The following RABGAP1L variants were observed in gnomAD, a reference collection of about 807,000 sequenced individuals.
RABGAP1L encodes rab GTPase-activating protein 1-like.
Under a neutral mutation model 137.7 loss-of-function variants are expected in RABGAP1L, and 63 were observed. The observed-to-expected ratio is 0.46, with a 90% CI of 0.37 to 0.56. The LOEUF is 0.56. Ranked by LOEUF, RABGAP1L falls within the 20% of genes least tolerant of loss-of-function variation. The pLI, the probability that RABGAP1L is intolerant of heterozygous loss-of-function variation, is 0.00. For synonymous variants in RABGAP1L, 431 were observed against 433.7 expected (o/e 0.99, Z 0.08); for missense variants, 1,095 against 1,244.0 (o/e 0.88, Z 1.80).
intron 19 of RABGAP1L, among the ~76,000 whole-genome samples, chr1:174,833,468 A>ATATAT (rs1279866308): frequency 1.5e-4 from 16 of 107,300 alleles, no homozygotes; most frequent in Non-Finnish European, 2.8e-4. Flanking sequence ...ATATATATAT[A>ATATAT]GTAGAGACAG....
chr1:174,674,899 T>C (rs956640678), intron 14 of RABGAP1L, among the ~76,000 whole-genome samples: 1 of 152,256 alleles, frequency 6.6e-6, no homozygotes, highest in African/African-American at 2.4e-5. Flanking sequence ...TTGAGAAGTG[T>C]CTGTTCATGT....
intron 10 of RABGAP1L, among the ~76,000 whole-genome samples, chr1:174,296,958 T>G (rs1223119437): frequency 2.0e-5 from 3 of 152,240 alleles, no homozygotes; most frequent in Non-Finnish European, 4.4e-5. Flanking sequence ...TTGTTTTGTT[T>G]TGGTTTGCTT....
chr1:174,591,621 T>C (rs1022364559), intron 13 of RABGAP1L, among the ~76,000 whole-genome samples: 1 of 46,204 alleles, frequency 2.2e-5, no homozygotes, highest in Non-Finnish European at 3.3e-5. Flanking sequence ...CCTTTCCCCA[T>C]TGCTTGTTTT....
chr1:174,600,606 G>C (rs2148168770), intron 13 of RABGAP1L, among the ~76,000 whole-genome samples: 1 of 152,278 alleles, frequency 6.6e-6, no homozygotes, highest in South Asian at 2.1e-4. Flanking sequence ...AAAATCCAGT[G>C]AGGCAGTCAA....
chr1:174,433,154 T>C (rs1490295973), intron 13 of RABGAP1L, among the ~76,000 whole-genome samples: 1 of 152,200 alleles, frequency 6.6e-6, no homozygotes, highest in African/African-American at 2.4e-5. Flanking sequence ...GAGAAAGATA[T>C]ACCCAAGGCC....
chr1:174,342,831 T>C (rs1337813579), intron 11 of RABGAP1L, among the ~76,000 whole-genome samples: 1 of 151,740 alleles, frequency 6.6e-6, no homozygotes, highest in East Asian at 1.9e-4. Context: ...TTCCGACTCC[T>C]GGGTTCAAGT....
At chr1:174,426,744 A>C (rs1466227517) in intron 13 of RABGAP1L, among the ~76,000 whole-genome samples, 1 of 152,090 alleles carries the variant, frequency 6.6e-6, no homozygotes, top group Non-Finnish European at 1.5e-5. Context: ...TTATTAGTAC[A>C]TTTAGATCCT....
chr1:174,834,085 G>T (rs76883885), intron 19 of RABGAP1L, among the ~76,000 whole-genome samples: 1,788 of 152,196 alleles, frequency 0.012, 50 homozygotes, highest in African/African-American at 0.041. Context: ...AAAATAAGGA[G>T]CATTTTTAGA....
At chr1:174,987,191 G>C (rs1671660885) in intron 24 of RABGAP1L, among the ~76,000 whole-genome samples, 1 of 151,696 alleles carries the variant, frequency 6.6e-6, no homozygotes, top group Non-Finnish European at 1.5e-5. Flanking sequence ...TTTTTGAGAC[G>C]GAGTCTTGCT....
intron 17 of RABGAP1L, among the ~76,000 whole-genome samples, chr1:174,727,941 AG>A (rs1386515374): frequency 6.6e-5 from 10 of 152,220 alleles, no homozygotes; most frequent in Admixed American, 6.5e-4. Flanking sequence ...AGGAATCCAG[AG>A]TCTGTCTCCA....
At chr1:174,362,132 C>T (rs1287173865) in intron 11 of RABGAP1L, among the ~76,000 whole-genome samples, 1 of 152,204 alleles carries the variant, frequency 6.6e-6, no homozygotes, top group Non-Finnish European at 1.5e-5. Context: ...TTTATGGCTA[C>T]ATATTATTCC....
At chr1:174,878,936 T>G (rs1653654913) in intron 19 of RABGAP1L, among the ~76,000 whole-genome samples, 2 of 137,840 alleles carry the variant, frequency 1.5e-5, no homozygotes, top group South Asian at 4.8e-4. Flanking sequence ...TTTTTTTTTT[T>G]TTTTTTTTTT....
At chr1:174,673,550 A>C (rs777517333) in intron 14 of RABGAP1L, among the ~76,000 whole-genome samples, 25 of 152,316 alleles carry the variant, frequency 1.6e-4, no homozygotes, top group Admixed American at 2.6e-4. Context: ...ATTTCTGCTA[A>C]TGAAAGCAAA....
chr1:174,386,802 G>T (rs1007334937), intron 12 of RABGAP1L, among the ~76,000 whole-genome samples: 4 of 151,998 alleles, frequency 2.6e-5, no homozygotes, highest in Non-Finnish European at 4.4e-5. Context: ...CCACCGCACC[G>T]GCCTAGATTA....
chr1:174,635,477 A>G (rs982709164), intron 13 of RABGAP1L, among the ~76,000 whole-genome samples: 9 of 152,190 alleles, frequency 5.9e-5, no homozygotes, highest in South Asian at 4.1e-4. Context: ...GACAAGATAA[A>G]AGAAATGTTT....
intron 14 of RABGAP1L, among the ~76,000 whole-genome samples, chr1:174,679,429 A>AC (rs1246810974): frequency 6.6e-6 from 1 of 152,186 alleles, no homozygotes; most frequent in Non-Finnish European, 1.5e-5. Context: ...AAACTTCTAA[A>AC]CCTAATGAAG....
intron 11 of RABGAP1L, among the ~76,000 whole-genome samples, chr1:174,354,651 G>A (rs1352509290): frequency 2.0e-5 from 3 of 151,484 alleles, no homozygotes; most frequent in African/African-American, 4.9e-5. Flanking sequence ...CTGTGCAGAA[G>A]CTCTTTAGTT....
At chr1:174,258,882 ATCC>A (rs1386354283) in intron 7 of RABGAP1L, among the ~76,000 whole-genome samples, 1 of 151,942 alleles carries the variant, frequency 6.6e-6, no homozygotes. Flanking sequence ...GGGTCAGGCT[ATCC>A]TCCTGCCTCA....
rs1419662558 is a variant in RABGAP1L at position 174,547,951 on chromosome 1, G to A, written c.1711-89424G>A. 10 of 1,550,258 alleles carry A rather than the reference G, an allele frequency of 6.5e-6. No homozygotes were observed. The East Asian group carries it at 2.4e-4, about 38-fold the overall frequency. On this transcript the variant is annotated intron_variant, in intron 13 of 25. Coordinates refer to ENST00000681986, the MANE Select transcript of RABGAP1L (RefSeq NM_001366446.1). ...CCAGCTGCAATTTGACATTAGACTTGATGTTCTGATTACTTATACTTTTTG... is the reference window on the plus strand; with the variant it reads ...CCAGCTGCAATTTGACATTAGACTTAATGTTCTGATTACTTATACTTTTTG...
Sources: allele counts gnomAD v4.1 joint callset (sites outside exome capture counted in the v4.1 genomes callset), GRCh38; gene constraint gnomAD v4.1.1; transcripts MANE v1.5; gene names NCBI Gene and HGNC (gene_info 2026-07-23, HGNC 2026-07-21).